The following ARHGAP28 variants were observed in gnomAD, a reference collection of about 807,000 sequenced individuals.
ARHGAP28 encodes Rho GTPase activating protein 28.
ARHGAP28 carries 56 observed loss-of-function variants against 90.7 expected under a neutral mutation model. The ratio of observed to expected loss-of-function variants is 0.62; its 90% CI spans 0.50 to 0.77. ARHGAP28 has a LOEUF of 0.77. Among genes scored for constraint, ARHGAP28 ranks in the 30% least tolerant of loss-of-function variants. The pLI is 0.00. For missense variants in ARHGAP28, 869 were observed against 900.9 expected (o/e 0.96, Z 0.45); for synonymous variants, 308 against 323.3 (o/e 0.95, Z 0.51).
At chr18:6,792,116 T>C (rs999726078) in intron 1 of ARHGAP28, among the ~76,000 whole-genome samples, 1 of 152,158 alleles carries the variant, frequency 6.6e-6, no homozygotes, top group African/African-American at 2.4e-5. Context: ...AATTAATTTG[T>C]AGATTCAGAA....
At chr18:6,734,686 AC>A (rs2055911002) in intron 1 of ARHGAP28, among the ~76,000 whole-genome samples, 1 of 152,212 alleles carries the variant, frequency 6.6e-6, no homozygotes, top group African/African-American at 2.4e-5. Context: ...AATTAAGAAA[AC>A]ATTTACTTCC....
chr18:6,750,845 T>C (rs758352467), intron 1 of ARHGAP28, among the ~76,000 whole-genome samples: 7 of 152,230 alleles, frequency 4.6e-5, no homozygotes, highest in Non-Finnish European at 5.9e-5. Context: ...AAGGGACATA[T>C]TTAAAACATA....
chr18:6,825,147 T>A (rs1010361247), intron 2 of ARHGAP28, among the ~76,000 whole-genome samples, 183 bp downstream of exon 2: 1 of 152,144 alleles, frequency 6.6e-6, no homozygotes, highest in Admixed American at 6.5e-5. Flanking sequence ...AGGGTGGCTT[T>A]TATCCCAGGT....
At chr18:6,782,767 T>A (rs2056336008) in intron 1 of ARHGAP28, among the ~76,000 whole-genome samples, 1 of 151,420 alleles carries the variant, frequency 6.6e-6, no homozygotes, top group Non-Finnish European at 1.5e-5. Context: ...TAATTATATA[T>A]CATATTTTAT....
At chr18:6,856,602 T>C (rs1282803656) in intron 4 of ARHGAP28, among the ~76,000 whole-genome samples, 1 of 151,556 alleles carries the variant, frequency 6.6e-6, no homozygotes, top group Admixed American at 6.6e-5. Flanking sequence ...CTCAAACTCC[T>C]GGGCTCCAAT....
intron 14 of ARHGAP28, among the ~76,000 whole-genome samples, chr18:6,893,394 T>A (rs765238363): frequency 1.3e-5 from 2 of 152,200 alleles, no homozygotes; most frequent in Non-Finnish European, 1.5e-5. Context: ...TTCCTCTTAC[T>A]TAAGCACTCC....
intron 17 of ARHGAP28, among the ~76,000 whole-genome samples, chr18:6,911,653 C>G (rs1231823757): frequency 6.6e-6 from 1 of 152,032 alleles, no homozygotes; most frequent in African/African-American, 2.4e-5. Context: ...CCAGGCTGGT[C>G]TCAAACTCCT....
At chr18:6,908,402 A>G (rs1600312153) in intron 16 of ARHGAP28, among the ~76,000 whole-genome samples, 1 of 152,074 alleles carries the variant, frequency 6.6e-6, no homozygotes, top group Admixed American at 6.5e-5. Flanking sequence ...ACCTCCCAAA[A>G]TGCTAGAATT....
At chr18:6,777,575 A>G (rs1385675665) in intron 1 of ARHGAP28, among the ~76,000 whole-genome samples, 1 of 152,046 alleles carries the variant, frequency 6.6e-6, no homozygotes, top group African/African-American at 2.4e-5. Flanking sequence ...GTTTTTAAAA[A>G]TTAGCAGGTC....
At chr18:6,872,484 T>C (rs2057097633) in intron 7 of ARHGAP28, among the ~76,000 whole-genome samples, 2 of 152,190 alleles carry the variant, frequency 1.3e-5, no homozygotes, top group African/African-American at 2.4e-5. Context: ...CCAAGGAAGC[T>C]CCAGTTTAGG....
chr18:6,895,413 A>G (rs2057297367), intron 15 of ARHGAP28, among the ~76,000 whole-genome samples: 1 of 152,236 alleles, frequency 6.6e-6, no homozygotes, highest in South Asian at 2.1e-4. Flanking sequence ...CTAACAAGGT[A>G]CCACAAATGA....
intron 17 of ARHGAP28, among the ~76,000 whole-genome samples, chr18:6,910,066 A>G (rs1428158381): frequency 2.0e-5 from 3 of 152,100 alleles, no homozygotes; most frequent in Non-Finnish European, 2.9e-5. Context: ...TATCTCTTGA[A>G]GCCACTCCAG....
intron 1 of ARHGAP28, among the ~76,000 whole-genome samples, chr18:6,798,966 G>C (rs1239577842): frequency 6.6e-6 from 1 of 152,200 alleles, no homozygotes; most frequent in Non-Finnish European, 1.5e-5. Context: ...TGTCATTTCT[G>C]ATTCCAAGTA....
intron 1 of ARHGAP28, among the ~76,000 whole-genome samples, chr18:6,739,964 C>T (rs2055962015): frequency 6.6e-6 from 1 of 151,650 alleles, no homozygotes; most frequent in Non-Finnish European, 1.5e-5. Flanking sequence ...AAGCAATTCT[C>T]CTGCCTCAGC....
intron 1 of ARHGAP28, among the ~76,000 whole-genome samples, chr18:6,782,580 G>A (rs1440547254): frequency 1.7e-5 from 2 of 117,948 alleles, no homozygotes; most frequent in Non-Finnish European, 3.4e-5. Context: ...ATCACGCCCA[G>A]CTAATTTTTG....
At chr18:6,896,444 A>G (rs1416129347) in intron 15 of ARHGAP28, 58 bp from the exon 16 acceptor site, 2 of 1,598,568 alleles carry the variant, frequency 1.3e-6, no homozygotes, top group South Asian at 1.1e-5. Flanking sequence ...TAAGTGCATC[A>G]TTGAGCCGAT....
Position 6,870,575 on chromosome 18 carries a change from T to C in ARHGAP28, c.812-15T>C. On this transcript the variant is annotated splice_polypyrimidine_tract_variant and intron_variant, in intron 6 of 17. Transcript: ENST00000383472. The stretch of plus-strand genomic sequence containing the variant: ...TAGCATATTAAATAGTCTGTATTCT[T>C]TGTTTTGTCTTTAGATGATGATTTT... 1 of 1,597,580 alleles carries C rather than the reference T, an allele frequency of 6.3e-7. No individual in the cohort carries two copies. Among genetic ancestry groups the C allele is most frequent in the Non-Finnish European group, 8.5e-7 (1 of 1,169,964 alleles).
At chr18:6,911,581 G>A (rs1237108413) in intron 17 of ARHGAP28, among the ~76,000 whole-genome samples, 2 of 151,954 alleles carry the variant, frequency 1.3e-5, no homozygotes, top group African/African-American at 2.4e-5. Context: ...AATTACAGGC[G>A]CCTACCACCA....
At chr18:6,791,765 G>A (rs1022477407) in intron 1 of ARHGAP28, 2 of 151,738 alleles carry the variant, frequency 1.3e-5, no homozygotes, top group African/African-American at 4.8e-5. Context: ...TATTTTATGA[G>A]TCCTTATTGT....
Sources: gnomAD v4.1 joint callset for allele counts (sites outside exome capture counted in the v4.1 genomes callset) on GRCh38, gnomAD v4.1.1 for gene constraint, MANE v1.5 for transcripts, NCBI Gene and HGNC (gene_info 2026-07-23, HGNC 2026-07-21) for gene names.